ALMS1: variants seen among roughly 807,000 people sequenced by gnomAD.
ALMS1 encodes the protein ALMS1 centrosome and basal body associated protein, also known as centrosome-associated protein ALMS1.
A neutral mutation model predicts 352.2 loss-of-function variants in ALMS1; 271 were observed. The observed-to-expected ratio is 0.77, with a 90% CI of 0.70 to 0.85. ALMS1 has a LOEUF of 0.85. ALMS1 is among the 40% of genes least tolerant of loss of function. The probability of loss-of-function intolerance (pLI) is 0.00; values close to 1 mark genes in which losing one functional copy is unlikely to be tolerated. For synonymous variants in ALMS1, 1,865 were observed against 1,761.2 expected, an observed-to-expected ratio of 1.06 and a Z score of -1.48; for missense variants, 5,445 against 4,870.7, an observed-to-expected ratio of 1.12 and a Z score of -3.51.
Position 73,609,648 on chromosome 2 carries a change from T to C in ALMS1, c.*36T>C, listed in dbSNP as rs2104219656. ...TTTTCCTCAGAGCCTTGGAATTCTATTTTATGAACCTAGAGAAGCAGAATC... is the reference window on the plus strand; with the variant it reads ...TTTTCCTCAGAGCCTTGGAATTCTACTTTATGAACCTAGAGAAGCAGAATC... On this transcript the variant is annotated 3_prime_UTR_variant, in exon 23 of 23. Coordinates refer to ENST00000613296, the MANE Select transcript of ALMS1 (RefSeq NM_001378454.1). The C allele has an allele frequency of 1.9e-6, 3 of 1,601,484 alleles. No homozygotes were observed. The highest frequency in any genetic ancestry group is 2.6e-6 in the Non-Finnish European group (3 of 1,168,536).
At chr2:73,533,187 T>A (rs1489762226) in intron 11 of ALMS1, among the ~76,000 whole-genome samples, 1 of 152,178 alleles carries the variant, frequency 6.6e-6, no homozygotes, top group Non-Finnish European at 1.5e-5. Flanking sequence ...TAGGTTTGGG[T>A]ATGGAGTGGT....
At chr2:73,466,389 A>G (rs1320886316) in intron 9 of ALMS1, among the ~76,000 whole-genome samples, 1 of 151,396 alleles carries the variant, frequency 6.6e-6, no homozygotes, top group African/African-American at 2.4e-5. Flanking sequence ...CAAGGACAAA[A>G]AACCAAACAC....
chr2:73,543,247 G>C (rs1674232408), intron 12 of ALMS1, among the ~76,000 whole-genome samples: 2 of 151,906 alleles, frequency 1.3e-5, no homozygotes, highest in Admixed American at 6.5e-5. Context: ...ACAAACCTGA[G>C]AAAAACAAGC....
Position 73,453,056 on chromosome 2 carries a change from C to G in ALMS1, c.6529C>G (p.Gln2177Glu), listed in dbSNP as rs776108315. 6 of 1,613,726 alleles carry G rather than the reference C, an allele frequency of 3.7e-6. No individual in the cohort carries two copies. Among genetic ancestry groups the G allele is most frequent in the Non-Finnish European group, 5.1e-6 (6 of 1,179,982 alleles). The change falls in exon 8 of 23, where the codon CAA becomes GAA. Residue 2177 changes from glutamine to glutamate, a missense_variant. Gln to Glu is a conservative substitution (Grantham distance 29). Transcript: ENST00000613296. ...CTCAAGTGCTCTTGGGCAAGCTGAT[C>G]AAATTACCGGATTACAAACAGTTCC... Reference protein sequence around the residue: ...KISSALGQADQITGLQTVPSG... With the variant: ...KISSALGQADEITGLQTVPSG...
chr2:73,458,243 G>A (rs1026218046), intron 9 of ALMS1: 2 of 151,846 alleles, frequency 1.3e-5, no homozygotes, highest in African/African-American at 4.8e-5. Flanking sequence ...CACTGTGTAC[G>A]GTTTTGGACC....
chr2:73,462,575 CATA>C (rs1178167914), intron 9 of ALMS1, among the ~76,000 whole-genome samples: 1 of 152,206 alleles, frequency 6.6e-6, no homozygotes, highest in Non-Finnish European at 1.5e-5. Flanking sequence ...CAGCTAACAT[CATA>C]ATGACAGGAC....
At chr2:73,400,629 C>G (rs1211225385) in intron 1 of ALMS1, among the ~76,000 whole-genome samples, 1 of 151,894 alleles carries the variant, frequency 6.6e-6, no homozygotes, top group Admixed American at 6.6e-5. Flanking sequence ...AGATATAGGC[C>G]TCTTCATTTT....
At chr2:73,445,658 T>C (rs927162099) in intron 7 of ALMS1, among the ~76,000 whole-genome samples, 1 of 152,104 alleles carries the variant, frequency 6.6e-6, no homozygotes, top group Admixed American at 6.6e-5. Flanking sequence ...GGAAGCCTTC[T>C]GTGTTACTAA....
At position 73,447,964 on chromosome 2, in the gene ALMS1, C is replaced by T. The variant is rs372610345; in HGVS notation, c.1437C>T (p.Asp479=). The change falls in exon 8 of 23, where the codon GAC becomes GAT. Residue 479 remains aspartate, a synonymous_variant. Coordinates refer to ENST00000613296, the MANE Select transcript of ALMS1 (RefSeq NM_001378454.1). ...PKAPKHLKAG[D]TSKGGIAKVT... ...AACAAATCTCTTTTTCTTTAGGAGA[C>T]ACTTCTAAAGGAGGCATAGCTAAAG... is the stretch of plus-strand genomic sequence containing the variant. The T allele has an allele frequency of 3.7e-6, 6 of 1,606,180 alleles. No individual in the cohort carries two copies. The highest frequency in any genetic ancestry group is 5.1e-6 in the Non-Finnish European group (6 of 1,175,394).
chr2:73,545,181 G>GGTT (rs1558688911), intron 12 of ALMS1, among the ~76,000 whole-genome samples: 1 of 139,890 alleles, frequency 7.1e-6, no homozygotes, highest in African/African-American at 2.6e-5. Context: ...ATTTTTTGTG[G>GGTT]TTTTTTTTTT....
At position 73,491,325 on chromosome 2, in the gene ALMS1, A is replaced by G; in HGVS notation, c.9366A>G (p.Ser3122=). 1 of 1,614,186 alleles carries G rather than the reference A, an allele frequency of 6.2e-7. No individual in the cohort carries two copies. Among genetic ancestry groups the G allele is most frequent in the Non-Finnish European group, 8.5e-7 (1 of 1,180,026 alleles). The change falls in exon 10 of 23, where the codon TCA becomes TCG. Residue 3122 remains serine, a synonymous_variant. Transcript: ENST00000613296. ...TAGGTTTTCTAGGACCTAAATCTTC[A>G]CTGGATTTCCAAGTCGTACAGCCTT... The part of the protein sequence containing the change: ...ESLGFLGPKS[S]LDFQVVQPSL...
chr2:73,420,980 A>G (rs1558637779), intron 3 of ALMS1, among the ~76,000 whole-genome samples: 1 of 152,196 alleles, frequency 6.6e-6, no homozygotes, highest in Non-Finnish European at 1.5e-5. Context: ...AGCAGTTGAA[A>G]GCTGTAAGAA....
Position 73,563,968 on chromosome 2 carries a change from A to T in ALMS1, c.10384+4826A>T, listed in dbSNP as rs542076452. ...CTTATGACAGATCGTGGAGATGAAAATTTTTTTTGTAAGTGAAGTTTAAAA... is the reference window on the plus strand; with the variant it reads ...CTTATGACAGATCGTGGAGATGAAATTTTTTTTTGTAAGTGAAGTTTAAAA... On this transcript the variant is annotated intron_variant, in intron 15 of 22. Coordinates refer to ENST00000613296, the MANE Select transcript of ALMS1 (RefSeq NM_001378454.1). 4.6e-5 allele frequency among the ~76,000 whole-genome samples: 7 copies of T among 151,766 alleles called. No homozygotes were observed. The South Asian group carries it at 1.0e-3, about 23-fold the overall frequency.
At chr2:73,430,162 C>T (rs918951783) in intron 6 of ALMS1, among the ~76,000 whole-genome samples, 14 of 151,530 alleles carry the variant, frequency 9.2e-5, no homozygotes, top group African/African-American at 2.7e-4. Flanking sequence ...CTGCAAGCTC[C>T]GCCTCCCGGG....
chr2:73,579,093 G>C (rs1174806479), intron 16 of ALMS1, among the ~76,000 whole-genome samples: 1 of 91,360 alleles, frequency 1.1e-5, no homozygotes, highest in Non-Finnish European at 2.0e-5. Context: ...TTTTGAGACG[G>C]AGTCGTCCTG....
In ALMS1 at chr2:73,450,589, T is replaced by C. The variant is rs1234924496; in HGVS notation, c.4062T>C (p.Thr1354=). The change falls in exon 8 of 23, where the codon ACT becomes ACC. Residue 1354 remains threonine, a synonymous_variant. Coordinates refer to ENST00000613296, the MANE Select transcript of ALMS1 (RefSeq NM_001378454.1). ...YQQVLPHSHP[T]EEALKISVAS... ...AGGTCTTGCCACATAGTCATCCAAC[T>C]GAAGAGGCTCTGAAAATTTCAGTTG... 6.2e-7 allele frequency: 1 copy of C among 1,611,900 alleles called. No homozygotes were observed. The highest frequency in any genetic ancestry group is 8.5e-7 in the Non-Finnish European group (1 of 1,179,556).
chr2:73,498,703 G>A (rs1322386977), intron 10 of ALMS1, among the ~76,000 whole-genome samples: 1 of 152,074 alleles, frequency 6.6e-6, no homozygotes, highest in African/African-American at 2.4e-5. Flanking sequence ...TTCATTTAAC[G>A]TAATGATCTC....
At chr2:73,421,531 T>C (rs1461229812) in intron 3 of ALMS1, among the ~76,000 whole-genome samples, 1 of 152,144 alleles carries the variant, frequency 6.6e-6, no homozygotes, top group Non-Finnish European at 1.5e-5. Context: ...CAAAGGTTAT[T>C]GTTACATATC....
chr2:73,578,303 A>G (rs960026858), intron 16 of ALMS1, among the ~76,000 whole-genome samples: 7 of 152,186 alleles, frequency 4.6e-5, no homozygotes, highest in East Asian at 1.9e-4. Flanking sequence ...TAGACATAAC[A>G]TAGATGGTCA....
Sources: allele counts gnomAD v4.1 joint callset (sites outside exome capture counted in the v4.1 genomes callset), GRCh38; gene constraint gnomAD v4.1.1; transcripts MANE v1.5; gene names NCBI Gene and HGNC (gene_info 2026-07-23, HGNC 2026-07-21).